The following RTN4IP1 variants were observed in gnomAD, a reference collection of about 807,000 sequenced individuals.
RTN4IP1 encodes NAD(P)H oxidoreductase RTN4IP1, mitochondrial.
In RTN4IP1, 32 loss-of-function variants were observed where a neutral mutation model predicts 46.6. The observed-to-expected ratio is 0.69, with a 90% CI of 0.52 to 0.92. The LOEUF (loss-of-function observed/expected upper bound fraction) is 0.92. RTN4IP1 is among the 40% of genes least tolerant of loss of function. The pLI, the probability that RTN4IP1 is intolerant of heterozygous loss-of-function variation, is 0.00. For synonymous variants in RTN4IP1, 167 were observed against 161.8 expected (o/e 1.03, Z -0.24); for missense variants, 424 against 485.8 (o/e 0.87, Z 1.20).
At chr6:106,601,852 C>T (rs897480524) in intron 5 of RTN4IP1, among the ~76,000 whole-genome samples, 1 of 152,204 alleles carries the variant, frequency 6.6e-6, no homozygotes, top group Non-Finnish European at 1.5e-5. Context: ...CTCAAGTGAT[C>T]CACCCACCTT....
chr6:106,594,049 A>G (rs534967031), intron 5 of RTN4IP1, among the ~76,000 whole-genome samples: 135 of 152,336 alleles, frequency 8.9e-4, no homozygotes, highest in African/African-American at 3.1e-3. Context: ...AATCTGTCAC[A>G]TGTTGAAACA....
At chr6:106,618,863 C>CT (rs11435174) in intron 4 of RTN4IP1, among the ~76,000 whole-genome samples, 11,350 of 152,018 alleles carry the variant, frequency 0.075, 1,074 homozygotes, top group African/African-American at 0.21. Context: ...GATTCTTAAC[C>CT]TTTTTAGGAA....
intron 4 of RTN4IP1, among the ~76,000 whole-genome samples, chr6:106,613,393 GAGAA>G (rs1273877301): frequency 6.6e-6 from 1 of 152,118 alleles, no homozygotes; most frequent in East Asian, 1.9e-4. Flanking sequence ...AGTAGTGAAG[GAGAA>G]AGAAAGTTAA....
At chr6:106,584,206 T>C (rs1386589734) in intron 7 of RTN4IP1, among the ~76,000 whole-genome samples, 1 of 152,228 alleles carries the variant, frequency 6.6e-6, no homozygotes, top group African/African-American at 2.4e-5. Flanking sequence ...CCCAAAGTGC[T>C]AGGATTACAG....
chr6:106,576,542 A>T (rs1462119030), intron 8 of RTN4IP1, among the ~76,000 whole-genome samples: 1 of 152,136 alleles, frequency 6.6e-6, no homozygotes, highest in African/African-American at 2.4e-5. Context: ...ATGGAGCAAA[A>T]TCCAGTGGCA....
At position 106,602,906 on chromosome 6, in the gene RTN4IP1, C is replaced by T. The variant is rs147381045; in HGVS notation, c.637G>A (p.Ala213Thr). 48 of 1,604,284 alleles carry T rather than the reference C, an allele frequency of 3.0e-5. No homozygotes were observed. Among genetic ancestry groups the T allele is most frequent in the Non-Finnish European group, 3.5e-5 (41 of 1,176,022 alleles). The change falls in exon 5 of 9, where the codon GCT becomes ACT. Residue 213 changes from alanine (A) to threonine (T), a missense_variant. Physicochemically the swap from Ala to Thr is moderately conservative, Grantham distance 58. Coordinates refer to ENST00000369063, the MANE Select transcript of RTN4IP1 (RefSeq NM_032730.5). ...GCAAAAGTACCAACTCCGCCTGAAGCGCCTAAGATTAGAACACTGAAATGC... is the reference window on the plus strand; with the variant it reads ...GCAAAAGTACCAACTCCGCCTGAAGTGCCTAAGATTAGAACACTGAAATGC... ...CTGKRVLILG[A>T]SGGVGTFAIQ...
rs766597748 is a variant in RTN4IP1, at chr6:106,587,850, G to A, written c.819C>T (p.Ile273=). Reference sequence around the variant, plus strand: ...CAGTGGATCCGCCAACATTATCAAGGATAAAATCAAATCTGGAGAGGAAGA... The same window carrying A: ...CAGTGGATCCGCCAACATTATCAAGAATAAAATCAAATCTGGAGAGGAAGA... ...QLKSLKPFDF[I]LDNVGGSTET... Residue 273 remains isoleucine (I), a synonymous_variant, in exon 7 of 9, where the codon ATC becomes ATT. Coordinates refer to ENST00000369063, the MANE Select transcript of RTN4IP1 (RefSeq NM_032730.5). 28 of 1,611,988 alleles carry A rather than the reference G, an allele frequency of 1.7e-5. No individual in the cohort carries two copies. The highest frequency in any genetic ancestry group is 2.3e-5 in the Non-Finnish European group (27 of 1,179,004).
rs1046837064 is a variant in RTN4IP1, at chr6:106,619,691, A to T, written c.496-365T>A. 4.2e-5 allele frequency among the ~76,000 whole-genome samples: 6 copies of T among 144,300 alleles called. No homozygotes were observed. The Admixed American group carries it at 4.4e-4, about 11-fold the overall frequency. The allele number at this position is 144,300 out of a possible 152,430, so 94.7% of individuals were successfully genotyped here. A position where few individuals can be genotyped will look rare whatever the true frequency, so the allele number is the denominator to read the frequency against. ...CAGTGGCGTGATCTCGGCTCACTGC[A>T]AGCTCCGCCTCCCGGGTTCACACCA... On this transcript the variant is annotated intron_variant, in intron 3 of 8. Transcript: ENST00000369063.
At chr6:106,578,832 G>A (rs1017419446) in intron 8 of RTN4IP1, among the ~76,000 whole-genome samples, 3 of 151,812 alleles carry the variant, frequency 2.0e-5, no homozygotes, top group African/African-American at 7.3e-5. Flanking sequence ...GATAAGGATC[G>A]GCAAACTTTT....
In RTN4IP1 at chr6:106,572,071, A is replaced by C. The variant is rs754531826; in HGVS notation, c.1116T>G (p.Phe372Leu). 163 of 1,614,012 alleles carry C rather than the reference A, an allele frequency of 1.0e-4. 1 individual carries two copies. The highest frequency in any genetic ancestry group is 1.3e-4 in the Non-Finnish European group (158 of 1,179,978). The change falls in exon 9 of 9, where the codon TTT (phenylalanine) becomes TTG (leucine). Residue 372 changes from phenylalanine to leucine, a missense_variant. Transcript: ENST00000369063. Reference protein sequence around the residue: ...IRPVIEQTFPFSKVPEAFLKV... With the variant: ...IRPVIEQTFPLSKVPEAFLKV... ...TCAGGAAGGCTTCTGGAACTTTAGA[A>C]AAAGGAAAGGTTTGTTCAATAACTG...
intron 8 of RTN4IP1, among the ~76,000 whole-genome samples, chr6:106,583,081 T>A (rs779771931): frequency 5.3e-5 from 8 of 152,212 alleles, no homozygotes; most frequent in Non-Finnish European, 1.0e-4. Context: ...CGCCTCTTCA[T>A]CTACTAAACC....
At chr6:106,617,294 C>T (rs1260816736) in intron 4 of RTN4IP1, among the ~76,000 whole-genome samples, 3 of 152,218 alleles carry the variant, frequency 2.0e-5, no homozygotes, top group Non-Finnish European at 4.4e-5. Context: ...CAGATCACAA[C>T]ATGTGAATGC....
Position 106,619,976 on chromosome 6 carries a change from T to G in RTN4IP1, c.496-650A>C, listed in dbSNP as rs192568434. 7.9e-5 allele frequency among the ~76,000 whole-genome samples: 12 copies of G among 152,254 alleles called. No individual in the cohort carries two copies. The East Asian group carries it at 2.3e-3, about 29-fold the overall frequency. On this transcript the variant is annotated intron_variant, in intron 3 of 8. Transcript: ENST00000369063. ...GTAAGGATACAGTATATAATATACA[T>G]AACATATTCTAGCTTCCCTTATTAT...
intron 4 of RTN4IP1, among the ~76,000 whole-genome samples, chr6:106,605,229 A>G (rs1374445570): frequency 6.6e-6 from 1 of 152,010 alleles, no homozygotes; most frequent in East Asian, 1.9e-4. Context: ...AGGGCAAGAG[A>G]TCGAGAACAT....
chr6:106,586,131 C>T (rs896612302), intron 7 of RTN4IP1, among the ~76,000 whole-genome samples: 2 of 152,230 alleles, frequency 1.3e-5, no homozygotes, highest in East Asian at 1.9e-4. Context: ...CTCTTTGTTA[C>T]GACCTCTAAG....
At chr6:106,576,343 C>G (rs996955100) in intron 8 of RTN4IP1, among the ~76,000 whole-genome samples, 1 of 152,142 alleles carries the variant, frequency 6.6e-6, no homozygotes. Flanking sequence ...CTAAAAAATG[C>G]ACTTCCAACA....
At chr6:106,583,114 G>A (rs1460329641) in intron 8 of RTN4IP1, among the ~76,000 whole-genome samples, 1 of 152,226 alleles carries the variant, frequency 6.6e-6, no homozygotes, top group East Asian at 1.9e-4. Flanking sequence ...CTAGATGAGA[G>A]AAGCTCTTGT....
chr6:106,583,476 A>C, intron 7 of RTN4IP1, 56 bp from the exon 8 acceptor site: 3 of 1,417,872 alleles, frequency 2.1e-6, no homozygotes, highest in Non-Finnish European at 2.9e-6. Context: ...ATCTGACTAA[A>C]TGCAGATTTA....
intron 8 of RTN4IP1, among the ~76,000 whole-genome samples, chr6:106,575,328 G>C (rs145212212): frequency 5.3e-5 from 8 of 152,324 alleles, no homozygotes; most frequent in African/African-American, 1.9e-4. Flanking sequence ...TTGGATTCAT[G>C]TGTGGGGTGC....
Sources: allele counts gnomAD v4.1 joint callset (sites outside exome capture counted in the v4.1 genomes callset), GRCh38; gene constraint gnomAD v4.1.1; transcripts MANE v1.5; gene names NCBI Gene and HGNC (gene_info 2026-07-23, HGNC 2026-07-21).